PRR16: variants seen among roughly 807,000 people sequenced by gnomAD.
PRR16 encodes the protein protein Largen.
PRR16 carries 6 observed loss-of-function variants against 18.2 expected under a neutral mutation model. That is an observed-to-expected ratio of 0.33 (90% CI 0.18 to 0.65). PRR16 has a LOEUF of 0.65. Ranked by LOEUF, PRR16 falls within the 30% of genes least tolerant of loss-of-function variation. PRR16 has a pLI of 0.74. For missense variants in PRR16, 412 were observed against 376.6 expected, an observed-to-expected ratio of 1.09 and a Z score of -0.78; for synonymous variants, 151 against 147.8, an observed-to-expected ratio of 1.02 and a Z score of -0.16.
intron 1 of PRR16, among the ~76,000 whole-genome samples, chr5:120,655,781 G>A (rs1029846553): frequency 2.0e-5 from 3 of 150,824 alleles, no homozygotes; most frequent in African/African-American, 7.3e-5. Context: ...AATGAAGGTG[G>A]TCAAATGAGA....
chr5:120,733,749 AATTG>A, the PRR16 span, among the ~76,000 whole-genome samples: 4 of 152,154 alleles, frequency 2.6e-5, no homozygotes, highest in African/African-American at 9.7e-5. Context: ...AGTTTTAATG[AATTG>A]ATTAAAATAG....
intron 1 of PRR16, among the ~76,000 whole-genome samples, chr5:120,622,082 A>G (rs570194912): frequency 1.3e-5 from 2 of 152,096 alleles, no homozygotes; most frequent in Non-Finnish European, 2.9e-5. Context: ...TCTATGTCTG[A>G]CAATACTACC....
At chr5:120,748,761 T>A in the PRR16 span, among the ~76,000 whole-genome samples, 13 of 152,130 alleles carry the variant, frequency 8.5e-5, no homozygotes, top group African/African-American at 3.1e-4. Context: ...GAAAAGAGCA[T>A]GCATGAAGAA....
the PRR16 span, among the ~76,000 whole-genome samples, chr5:120,745,897 G>T: frequency 7.3e-6 from 1 of 136,324 alleles, no homozygotes; most frequent in African/African-American, 2.7e-5. Flanking sequence ...AGAGACAAGG[G>T]TTTCACCATG....
chr5:120,562,334 T>A (rs1561546985), intron 1 of PRR16, among the ~76,000 whole-genome samples: 1 of 152,142 alleles, frequency 6.6e-6, no homozygotes, highest in Non-Finnish European at 1.5e-5. Context: ...CATGGAACAT[T>A]TTTTATCATC....
chr5:120,597,175 T>C (rs1311852567), intron 1 of PRR16, among the ~76,000 whole-genome samples: 1 of 151,652 alleles, frequency 6.6e-6, no homozygotes, highest in Non-Finnish European at 1.5e-5. Context: ...ATAGAAGACT[T>C]TATTTATTGT....
chr5:120,700,394 G>A, the PRR16 span, among the ~76,000 whole-genome samples: 10 of 152,020 alleles, frequency 6.6e-5, no homozygotes, highest in Admixed American at 6.6e-5. Context: ...GTGCATGATC[G>A]GTCGCCAAGG....
intron 1 of PRR16, among the ~76,000 whole-genome samples, chr5:120,486,308 C>T (rs1304545025): frequency 6.6e-6 from 1 of 151,970 alleles, no homozygotes; most frequent in African/African-American, 2.4e-5. Context: ...CTCTCCAGCA[C>T]CTGTTGTTTC....
chr5:120,512,917 T>C (rs908090429), intron 1 of PRR16, among the ~76,000 whole-genome samples: 13 of 152,076 alleles, frequency 8.5e-5, no homozygotes, highest in African/African-American at 3.1e-4. Context: ...ATAATGAAGG[T>C]GCAGAATATG....
At chr5:120,477,366 G>A (rs1179283709) in intron 1 of PRR16, among the ~76,000 whole-genome samples, 1 of 151,936 alleles carries the variant, frequency 6.6e-6, no homozygotes, top group East Asian at 1.9e-4. Context: ...CCCCTCCCTT[G>A]TCAGTTAACG....
chr5:120,536,364 G>T (rs115442154), intron 1 of PRR16, among the ~76,000 whole-genome samples: 2,183 of 152,280 alleles, frequency 0.014, 60 homozygotes, highest in African/African-American at 0.049. Context: ...TGTGCTGGTT[G>T]TAGTCACCTC....
the PRR16 span, among the ~76,000 whole-genome samples, chr5:120,734,716 T>A: frequency 3.0e-4 from 46 of 152,338 alleles, 1 homozygote; most frequent in East Asian, 8.7e-3. Context: ...AGAACTGTAG[T>A]CCTTTTATTT....
chr5:120,581,909 A>G (rs573658987), intron 1 of PRR16, among the ~76,000 whole-genome samples: 2 of 152,156 alleles, frequency 1.3e-5, no homozygotes, highest in South Asian at 2.1e-4. Flanking sequence ...GTTCTTTTGC[A>G]TTTGCTGAAT....
intron 1 of PRR16, among the ~76,000 whole-genome samples, chr5:120,489,245 AG>A (rs1430709917): frequency 2.0e-5 from 3 of 152,118 alleles, no homozygotes; most frequent in African/African-American, 7.2e-5. Flanking sequence ...TAATGTTGAC[AG>A]TGGGGTGTTA....
chr5:120,504,316 C>T (rs556281835), intron 1 of PRR16, among the ~76,000 whole-genome samples: 8 of 152,200 alleles, frequency 5.3e-5, no homozygotes, highest in South Asian at 2.1e-4. Context: ...GCAACACACT[C>T]GAATCAGTAG....
At chr5:120,555,344 C>T (rs914215831) in intron 1 of PRR16, among the ~76,000 whole-genome samples, 7 of 151,880 alleles carry the variant, frequency 4.6e-5, no homozygotes, top group East Asian at 1.9e-4. Flanking sequence ...TAGGCTGCCA[C>T]GACAAAATAA....
At chr5:120,699,295 G>C in the PRR16 span, among the ~76,000 whole-genome samples, 4 of 152,194 alleles carry the variant, frequency 2.6e-5, no homozygotes, top group African/African-American at 9.7e-5. Context: ...AGCATAACCT[G>C]TCTTTGCTGG....
In PRR16 at chr5:120,624,889, G is replaced by A. The variant is rs140317124; in HGVS notation, c.160-61065G>A. Among the ~76,000 whole-genome samples, 178 of 152,162 alleles carry A rather than the reference G, an allele frequency of 1.2e-3. 1 individual carries two copies. The Middle Eastern group carries it at 0.041, about 35-fold the overall frequency. On this transcript the variant is annotated intron_variant, in intron 1 of 1. Coordinates refer to ENST00000407149, the MANE Select transcript of PRR16 (RefSeq NM_001300783.2). ...TCACTGTTCTCGTGATAATGAATAAGTCTCATGAGATCTGATGGTTTTAAA... is the reference window on the plus strand; with the variant it reads ...TCACTGTTCTCGTGATAATGAATAAATCTCATGAGATCTGATGGTTTTAAA...
the PRR16 span, among the ~76,000 whole-genome samples, chr5:120,788,576 T>C: frequency 3.9e-5 from 6 of 152,180 alleles, no homozygotes; most frequent in Admixed American, 3.3e-4. Context: ...CTTATATTTC[T>C]AGATGATACA....
Sources: gnomAD v4.1 joint callset for allele counts (sites outside exome capture counted in the v4.1 genomes callset) on GRCh38, gnomAD v4.1.1 for gene constraint, MANE v1.5 for transcripts, NCBI Gene and HGNC (gene_info 2026-07-23, HGNC 2026-07-21) for gene names.